The following GALNT17 variants were observed in gnomAD, a reference collection of about 807,000 sequenced individuals.
GALNT17 encodes UDP-GalNAc:polypeptide N-acetylgalactosaminyltransferase-like 3.
A neutral mutation model predicts 63.7 loss-of-function variants in GALNT17; 29 were observed. The observed-to-expected ratio is 0.46, with a 90% CI of 0.34 to 0.62. The LOEUF (loss-of-function observed/expected upper bound fraction) is 0.62. Among genes scored for constraint, GALNT17 ranks in the 20% least tolerant of loss-of-function variants. The probability of loss-of-function intolerance (pLI) is 0.01; values close to 1 mark genes in which losing one functional copy is unlikely to be tolerated. For missense variants in GALNT17, 603 were observed against 799.6 expected (o/e 0.75, Z 2.97); for synonymous variants, 305 against 318.3 (o/e 0.96, Z 0.45).
intron 8 of GALNT17, among the ~76,000 whole-genome samples, chr7:71,675,881 G>C (rs1343360811): frequency 6.6e-6 from 1 of 152,014 alleles, no homozygotes; most frequent in Non-Finnish European, 1.5e-5. Context: ...CCAGCTACTC[G>C]GGAGGCTGAA....
intron 6 of GALNT17, among the ~76,000 whole-genome samples, chr7:71,658,941 T>C (rs1450020838): frequency 6.6e-6 from 1 of 152,108 alleles, no homozygotes; most frequent in Non-Finnish European, 1.5e-5. Flanking sequence ...TTGCTGTCAC[T>C]AAAGCTATCA....
At chr7:71,203,975 T>C (rs2116374160) in intron 1 of GALNT17, among the ~76,000 whole-genome samples, 1 of 151,846 alleles carries the variant, frequency 6.6e-6, no homozygotes, top group East Asian at 1.9e-4. Flanking sequence ...TTTGGATTCA[T>C]ATTCAAAAAA....
Position 71,540,093 on chromosome 7 carries a change from C to CTTTTTTTTTTTTTT in GALNT17, c.963-31170_963-31157dup, listed in dbSNP as rs71089954. 8.9e-5 allele frequency among the ~76,000 whole-genome samples: 3 copies of CTTTTTTTTTTTTTT among 33,548 alleles called. 1 individual carries two copies. Among genetic ancestry groups the CTTTTTTTTTTTTTT allele is most frequent in the Non-Finnish European group, 1.7e-4 (3 of 18,024 alleles). 22.0% of individuals were successfully genotyped at this position (33,548 alleles called of 152,430 possible). A position where few individuals can be genotyped will look rare whatever the true frequency, so the allele number is the denominator to read the frequency against. On this transcript the variant is annotated intron_variant, in intron 5 of 10. Transcript: ENST00000333538. ...ACAGTTGTGAGCCACTGTGCCTGGC[C>CTTTTTTTTTTTTTT]TTTTTTTTTTTTTTTTTTTTTTTTT... is the stretch of plus-strand genomic sequence containing the variant.
chr7:71,343,646 A>T (rs1287493617), intron 2 of GALNT17, among the ~76,000 whole-genome samples: 1 of 152,096 alleles, frequency 6.6e-6, no homozygotes, highest in African/African-American at 2.4e-5. Context: ...CCCTCAGAAT[A>T]CTTATAAATA....
intron 1 of GALNT17, among the ~76,000 whole-genome samples, chr7:71,177,331 C>T (rs1035303668): frequency 3.9e-5 from 6 of 152,094 alleles, no homozygotes; most frequent in African/African-American, 1.4e-4. Flanking sequence ...AAAGCCTGCT[C>T]CCCGGGAACC....
chr7:71,279,279 G>A (rs897731868), intron 1 of GALNT17, among the ~76,000 whole-genome samples: 1 of 151,922 alleles, frequency 6.6e-6, no homozygotes, highest in African/African-American at 2.4e-5. Flanking sequence ...GCAGCAGGAA[G>A]AAGTGTTGAG....
At chr7:71,444,825 G>A (rs894325134) in intron 5 of GALNT17, among the ~76,000 whole-genome samples, 1 of 152,076 alleles carries the variant, frequency 6.6e-6, no homozygotes, top group Non-Finnish European at 1.5e-5. Flanking sequence ...TCTGTCTCAA[G>A]GAAAACAAAC....
intron 1 of GALNT17, among the ~76,000 whole-genome samples, chr7:71,159,489 A>G (rs1306889381): frequency 6.6e-6 from 1 of 151,176 alleles, no homozygotes; most frequent in Non-Finnish European, 1.5e-5. Flanking sequence ...TTACTGAAAC[A>G]TTAGTAACTG....
chr7:71,641,860 C>A (rs4717608), intron 6 of GALNT17, among the ~76,000 whole-genome samples: 103,839 of 151,536 alleles, frequency 0.69, 38,136 homozygotes, highest in East Asian at 0.96. Flanking sequence ...GCTGCTGCTG[C>A]TGATGATGAT....
At chr7:71,358,904 G>T (rs1358114502) in intron 2 of GALNT17, among the ~76,000 whole-genome samples, 2 of 152,008 alleles carry the variant, frequency 1.3e-5, no homozygotes, top group Non-Finnish European at 2.9e-5. Context: ...CTCCTGAGTA[G>T]CTGGAATTAC....
At chr7:71,634,720 C>T (rs75134633) in intron 6 of GALNT17, among the ~76,000 whole-genome samples, 227 of 144,784 alleles carry the variant, frequency 1.6e-3, no homozygotes, top group African/African-American at 5.6e-3. Flanking sequence ...TACTACTGCA[C>T]TCCAGCCTGG....
At chr7:71,526,864 C>G (rs183365755) in intron 5 of GALNT17, among the ~76,000 whole-genome samples, 1 of 152,178 alleles carries the variant, frequency 6.6e-6, no homozygotes, top group Non-Finnish European at 1.5e-5. Context: ...CCAGATACAG[C>G]CTCAGCCCCT....
intron 6 of GALNT17, among the ~76,000 whole-genome samples, chr7:71,609,753 A>G (rs1388699784): frequency 7.2e-5 from 11 of 152,122 alleles, no homozygotes; most frequent in African/African-American, 2.4e-4. Context: ...TATACTATGT[A>G]CATAATATGA....
chr7:71,651,369 C>A (rs1026370716), intron 6 of GALNT17, among the ~76,000 whole-genome samples: 1 of 149,988 alleles, frequency 6.7e-6, no homozygotes, highest in Non-Finnish European at 1.5e-5. Context: ...GTGGTGCGAT[C>A]TCGGCTCACT....
At position 71,712,171 on chromosome 7, in the gene GALNT17, C is replaced by T; in HGVS notation, c.*25C>T. The T allele has an allele frequency of 6.2e-7, 1 of 1,605,706 alleles. No individual in the cohort carries two copies. The highest frequency in any genetic ancestry group is 8.5e-7 in the Non-Finnish European group (1 of 1,175,542). ...GAGGGAGGGAGCTGGGGCACTGGAG[C>T]CTGGCCCCCAGGACATGGCTGCTCC... On this transcript the variant is annotated 3_prime_UTR_variant, in exon 11 of 11. Transcript: ENST00000333538.
At chr7:71,335,223 C>A (rs1018216570) in intron 1 of GALNT17, among the ~76,000 whole-genome samples, 9 of 152,100 alleles carry the variant, frequency 5.9e-5, no homozygotes, top group African/African-American at 2.2e-4. Context: ...CTTCTGTCTC[C>A]TGGGCTCAAG....
At chr7:71,529,734 G>T (rs182385746) in intron 5 of GALNT17, among the ~76,000 whole-genome samples, 2 of 152,244 alleles carry the variant, frequency 1.3e-5, no homozygotes, top group Non-Finnish European at 2.9e-5. Context: ...CATGCATGCC[G>T]CATGCCACAT....
chr7:71,239,310 A>C (rs915621910), intron 1 of GALNT17, among the ~76,000 whole-genome samples: 2 of 150,036 alleles, frequency 1.3e-5, no homozygotes, highest in Non-Finnish European at 3.0e-5. Context: ...CCCCCAAAAA[A>C]AAATAAATAA....
At chr7:71,561,047 C>T (rs867397012) in intron 5 of GALNT17, among the ~76,000 whole-genome samples, 1 of 152,198 alleles carries the variant, frequency 6.6e-6, no homozygotes, top group Non-Finnish European at 1.5e-5. Context: ...GAGTCTCGCT[C>T]TGTCGGCCAG....
Sources: gnomAD v4.1 joint callset for allele counts (sites outside exome capture counted in the v4.1 genomes callset) on GRCh38, gnomAD v4.1.1 for gene constraint, MANE v1.5 for transcripts, NCBI Gene and HGNC (gene_info 2026-07-23, HGNC 2026-07-21) for gene names.